DOCK4: variants seen among roughly 807,000 people sequenced by gnomAD.
DOCK4 encodes dedicator of cytokinesis 4, also known as dedicator of cytokinesis protein 4.
DOCK4 carries 97 observed loss-of-function variants against 268.1 expected under a neutral mutation model. The observed-to-expected ratio is 0.36, with a 90% CI of 0.31 to 0.43. The LOEUF is 0.43. DOCK4 is among the 20% of genes least tolerant of loss of function. The pLI, the probability that DOCK4 is intolerant of heterozygous loss-of-function variation, is 1.00. For missense variants in DOCK4, 2,145 were observed against 2,455.7 expected, an observed-to-expected ratio of 0.87 and a Z score of 2.67; for synonymous variants, 954 against 887.2, an observed-to-expected ratio of 1.08 and a Z score of -1.34.
intron 36 of DOCK4, among the ~76,000 whole-genome samples, chr7:111,774,858 C>A (rs1300296208): frequency 6.6e-6 from 1 of 152,200 alleles, no homozygotes; most frequent in African/African-American, 2.4e-5. Context: ...GTCTCCACTA[C>A]CCAGTTCTGC....
At chr7:111,854,383 TCACGACCCTCTCA>T in intron 23 of DOCK4, among the ~76,000 whole-genome samples, 1 of 152,282 alleles carries the variant, frequency 6.6e-6, no homozygotes, top group South Asian at 2.1e-4. Flanking sequence ...GCTCAATCGA[TCACGACCCTCTCA>T]CACGGACCCC....
intron 2 of DOCK4, among the ~76,000 whole-genome samples, chr7:112,003,292 A>G (rs1372957246): frequency 6.6e-6 from 1 of 151,802 alleles, no homozygotes; most frequent in Non-Finnish European, 1.5e-5. Flanking sequence ...GGAGACTGAG[A>G]CAGGAGGATC....
chr7:111,901,332 CAAA>C (rs398047987), intron 14 of DOCK4, among the ~76,000 whole-genome samples: 964 of 75,232 alleles, frequency 0.013, 4 homozygotes, highest in African/African-American at 0.042. Flanking sequence ...GATTCTGTCT[CAAA>C]AAAAAAAAAA....
intron 38 of DOCK4, 79 bp from the exon 39 acceptor site, chr7:111,765,301 T>C: frequency 1.2e-6 from 1 of 869,042 alleles, no homozygotes; most frequent in Admixed American, 3.4e-5. Context: ...GATTTCTTTT[T>C]TACATAAAGG....
At chr7:112,163,545 T>G (rs1450269893) in intron 1 of DOCK4, among the ~76,000 whole-genome samples, 2 of 152,242 alleles carry the variant, frequency 1.3e-5, no homozygotes, top group Admixed American at 1.3e-4. Context: ...TGTGTGCACA[T>G]TCCTGGCACA....
At chr7:112,040,507 A>C (rs1429304253) in intron 1 of DOCK4, among the ~76,000 whole-genome samples, 3 of 152,212 alleles carry the variant, frequency 2.0e-5, no homozygotes, top group Admixed American at 6.5e-5. Context: ...GTGGAGGCAC[A>C]GTGAACCAGA....
chr7:112,204,882 AAC>A (rs34706974), intron 1 of DOCK4, among the ~76,000 whole-genome samples: 27,326 of 149,920 alleles, frequency 0.18, 4,937 homozygotes, highest in African/African-American at 0.47. Flanking sequence ...TCAATTTTAA[AAC>A]ACACACACAC....
intron 34 of DOCK4, 146 bp downstream of exon 34, chr7:111,783,711 A>C: frequency 1.4e-6 from 1 of 708,062 alleles, no homozygotes; most frequent in Non-Finnish European, 2.3e-6. Flanking sequence ...GCTGGTTAGA[A>C]GTTCATTATC....
chr7:112,045,608 C>T (rs1287216681), intron 1 of DOCK4, among the ~76,000 whole-genome samples: 1 of 152,200 alleles, frequency 6.6e-6, no homozygotes, highest in African/African-American at 2.4e-5. Context: ...TGGCTGAGAA[C>T]AAAGATCAAG....
chr7:112,147,061 G>C (rs974642338), intron 1 of DOCK4, among the ~76,000 whole-genome samples: 2 of 151,952 alleles, frequency 1.3e-5, no homozygotes, highest in African/African-American at 4.8e-5. Flanking sequence ...ATATATACTA[G>C]GGAACACTTT....
At chr7:112,063,471 C>T (rs570801961) in intron 1 of DOCK4, among the ~76,000 whole-genome samples, 4 of 152,276 alleles carry the variant, frequency 2.6e-5, no homozygotes, top group African/African-American at 7.2e-5. Flanking sequence ...AGTAAGCCCA[C>T]AATTGGGCAA....
chr7:111,863,155 ATAATG>A (rs1805690372), intron 23 of DOCK4: 1 of 561,702 alleles, frequency 1.8e-6, no homozygotes, highest in Admixed American at 3.1e-5. Flanking sequence ...ATAAAAAACA[ATAATG>A]TAATCATTAG....
At chr7:111,894,234 A>AAAG (rs1179315736) in intron 16 of DOCK4, among the ~76,000 whole-genome samples, 7 of 148,722 alleles carry the variant, frequency 4.7e-5, no homozygotes, top group Non-Finnish European at 1.0e-4. Context: ...AAAAAAAAAG[A>AAAG]AAAAAGAAAA....
chr7:111,728,206 G>A lies in DOCK4; in HGVS notation c.*68C>T, dbSNP rs1297117042. The A allele has an allele frequency of 8.0e-7, 1 of 1,253,824 alleles. No homozygotes were observed. Among genetic ancestry groups the A allele is most frequent in the Non-Finnish European group, 1.0e-6 (1 of 955,248 alleles). 77.7% of individuals were successfully genotyped at this position (1,253,824 alleles called of 1,614,324 possible). On this transcript the variant is annotated 3_prime_UTR_variant, in exon 53 of 53. Transcript: ENST00000428084. The stretch of plus-strand genomic sequence containing the variant: ...AGTTATTAAAGTGCCTACACTAAAT[G>A]TCTTCTCATCATACTTCTTATTTTG...
At chr7:112,163,447 A>G (rs141216826) in intron 1 of DOCK4, among the ~76,000 whole-genome samples, 5 of 152,326 alleles carry the variant, frequency 3.3e-5, no homozygotes, top group Admixed American at 3.3e-4. Flanking sequence ...TCTCAGGTAT[A>G]ACGTCCTAAA....
intron 1 of DOCK4, among the ~76,000 whole-genome samples, chr7:112,138,034 A>G (rs1263676586): frequency 6.6e-6 from 1 of 152,140 alleles, no homozygotes; most frequent in Non-Finnish European, 1.5e-5. Context: ...CTTCTCTACA[A>G]TCATCTCCCA....
intron 1 of DOCK4, among the ~76,000 whole-genome samples, chr7:112,194,302 CT>C (rs1212820346): frequency 9.2e-5 from 14 of 152,186 alleles, no homozygotes; most frequent in Non-Finnish European, 2.1e-4. Context: ...CAACATCAGT[CT>C]TCTAAGCAAA....
At chr7:112,122,908 C>T (rs1812869576) in intron 1 of DOCK4, among the ~76,000 whole-genome samples, 2 of 152,174 alleles carry the variant, frequency 1.3e-5, no homozygotes, top group South Asian at 4.1e-4. Context: ...TTCCAATTTT[C>T]TCATATGAGG....
chr7:111,867,945 A>G, intron 22 of DOCK4, 39 bp downstream of exon 22: 7 of 1,476,906 alleles, frequency 4.7e-6, no homozygotes, highest in Non-Finnish European at 6.3e-6. Context: ...AACTGCACTT[A>G]TCGTTTTCTT....
Sources: allele counts gnomAD v4.1 joint callset (sites outside exome capture counted in the v4.1 genomes callset), GRCh38; gene constraint gnomAD v4.1.1; transcripts MANE v1.5; gene names NCBI Gene and HGNC (gene_info 2026-07-23, HGNC 2026-07-21).